HSP90AA1: variants seen among roughly 807,000 people sequenced by gnomAD.
HSP90AA1 encodes heat shock protein HSP 90-alpha.
A neutral mutation model predicts 73.3 loss-of-function variants in HSP90AA1; 18 were observed. The observed-to-expected ratio is 0.25, with a 90% confidence interval of 0.17 to 0.36. The LOEUF (loss-of-function observed/expected upper bound fraction) is 0.36. Among genes scored for constraint, HSP90AA1 ranks in the 10% least tolerant of loss-of-function variants. The pLI, the probability that HSP90AA1 is intolerant of heterozygous loss-of-function variation, is 1.00. For synonymous variants in HSP90AA1, 477 were observed against 296.9 expected (o/e 1.61, Z -6.24); for missense variants, 704 against 874.2 (o/e 0.81, Z 2.45).
intron 1 of HSP90AA1, among the ~76,000 whole-genome samples, chr14:102,137,330 T>C (rs1386681337): frequency 1.3e-5 from 2 of 151,372 alleles, no homozygotes; most frequent in African/African-American, 4.9e-5. Context: ...TATCTATTTA[T>C]TTATTTATTT....
rs1428450872 is a variant in HSP90AA1, at chr14:102,116,327, T to C, written c.156-14242A>G. Among the ~76,000 whole-genome samples, 6 of 152,206 alleles carry C rather than the reference T, an allele frequency of 3.9e-5. No individual in the cohort carries two copies. The East Asian group carries it at 9.6e-4, about 24-fold the overall frequency. On this transcript the variant is annotated intron_variant, in intron 1 of 11. Coordinates refer to the HSP90AA1 transcript ENST00000334701. ...CCTGTTTGCTCAGATCCTTTGTCCATTAGATTTTTAGCCTTTCTTTTATTG... is the reference window on the plus strand; with the variant it reads ...CCTGTTTGCTCAGATCCTTTGTCCACTAGATTTTTAGCCTTTCTTTTATTG...
intron 1 of HSP90AA1, among the ~76,000 whole-genome samples, chr14:102,105,556 G>A (rs1469467100): frequency 6.6e-6 from 1 of 152,200 alleles, no homozygotes; most frequent in Non-Finnish European, 1.5e-5. Flanking sequence ...GTAGGTGCTA[G>A]CGGTGGCTAG....
Position 102,081,577 on chromosome 14 carries a change from TATC to T in HSP90AA1, c.*132_*134del, listed in dbSNP as rs2049099544. The stretch of plus-strand genomic sequence containing the variant: ...AGCATCACTTAGTAGACAGAAATCT[TATC>T]TTCCCCTTAAAGTAGTTGTCATGCC... On this transcript the variant is annotated 3_prime_UTR_variant, in exon 11 of 11. Coordinates refer to ENST00000216281, the MANE Select transcript of HSP90AA1 (RefSeq NM_005348.4). 7.4e-6 allele frequency: 5 copies of T among 675,292 alleles called. No homozygotes were observed. Among genetic ancestry groups the T allele is most frequent in the Admixed American group, 4.5e-5 (2 of 44,004 alleles). The allele number at this position is 675,292 out of a possible 1,614,324, so 41.8% of individuals were successfully genotyped here. A position where few individuals can be genotyped will look rare whatever the true frequency, so the allele number is the denominator to read the frequency against.
At chr14:102,131,730 A>G (rs546331560) in intron 1 of HSP90AA1, among the ~76,000 whole-genome samples, 1 of 152,296 alleles carries the variant, frequency 6.6e-6, no homozygotes, top group Admixed American at 6.5e-5. Flanking sequence ...ACTGCAAATT[A>G]CCTGACATAT....
chr14:102,086,177 C>G (rs1341593463), intron 2 of HSP90AA1, 40 bp downstream of exon 2: 2 of 1,614,152 alleles, frequency 1.2e-6, no homozygotes, highest in Non-Finnish European at 1.7e-6. Flanking sequence ...GAAGTTCACA[C>G]TGAAACCAAA....
At chr14:102,101,782 C>T in intron 2 of HSP90AA1, 3 of 1,009,620 alleles carry the variant, frequency 3.0e-6, no homozygotes, top group South Asian at 2.7e-5. Context: ...ATTGTTTTAG[C>T]TTTCTGTGAC....
At chr14:102,086,692 C>G (rs1169173492) in intron 1 of HSP90AA1, among the ~76,000 whole-genome samples, 1 of 150,868 alleles carries the variant, frequency 6.6e-6, no homozygotes, top group Non-Finnish European at 1.5e-5. Flanking sequence ...CCTGCGCCCC[C>G]AGCGGGGCCG....
intron 10 of HSP90AA1, 36 bp from the exon 11 acceptor site, chr14:102,081,857 T>A (rs771630177): frequency 9.8e-7 from 1 of 1,015,660 alleles, no homozygotes; most frequent in Admixed American, 1.7e-5. Context: ...TTACAAAGAT[T>A]TCTTAAAGCC....
At chr14:102,097,234 C>G (rs2049436813) in intron 2 of HSP90AA1, among the ~76,000 whole-genome samples, 1 of 152,030 alleles carries the variant, frequency 6.6e-6, no homozygotes, top group East Asian at 1.9e-4. Flanking sequence ...AAACCGCCCC[C>G]CTTGGCCTCC....
chr14:102,081,737 G>A lies in HSP90AA1; in HGVS notation c.2174C>T (p.Thr725Ile). The change falls in exon 11 of 11, where the codon ACA (threonine) becomes ATA (isoleucine). Residue 725 changes from threonine (T) to isoleucine (I), a missense_variant. Coordinates refer to ENST00000216281, the MANE Select transcript of HSP90AA1 (RefSeq NM_005348.4). Reference protein sequence around the residue: ...EMPPLEGDDDTSRMEEVD With the variant: ...EMPPLEGDDDISRMEEVD ...TTAGTCTACTTCTTCCATGCGTGAT[G>A]TGTCGTCATCTCCTTCAAGGGGTGG... 2.6e-6 allele frequency: 4 copies of A among 1,561,898 alleles called. No homozygotes were observed. The highest frequency in any genetic ancestry group is 3.5e-6 in the Non-Finnish European group (4 of 1,132,394).
chr14:102,124,047 TGCTGGGATTAC>T, intron 1 of HSP90AA1, among the ~76,000 whole-genome samples: 1 of 152,154 alleles, frequency 6.6e-6, no homozygotes, highest in East Asian at 1.9e-4. Flanking sequence ...CCTCCCAAAA[TGCTGGGATTAC>T]AGGCGGAAAC....
chr14:102,090,611 G>A (rs1278492942), upstream of HSP90AA1, among the ~76,000 whole-genome samples: 1 of 152,076 alleles, frequency 6.6e-6, no homozygotes, highest in African/African-American at 2.4e-5. Flanking sequence ...CACCACACCT[G>A]GCTAATTTTT....
At chr14:102,130,220 C>T (rs553526103) in intron 1 of HSP90AA1, among the ~76,000 whole-genome samples, 3 of 151,964 alleles carry the variant, frequency 2.0e-5, no homozygotes, top group Non-Finnish European at 4.4e-5. Context: ...CCACCTGCCT[C>T]GGCCTCCCAA....
chr14:102,118,120 T>C (rs1262592992), intron 1 of HSP90AA1, among the ~76,000 whole-genome samples: 3 of 152,144 alleles, frequency 2.0e-5, no homozygotes, highest in Admixed American at 1.3e-4. Context: ...CCTGGAGGCA[T>C]AGGATCCAGG....
At chr14:102,087,187 G>A, upstream of HSP90AA1, 1 of 981,766 alleles carries the variant, frequency 1.0e-6, no homozygotes, top group Non-Finnish European at 1.2e-6. Flanking sequence ...CCGTTGCCGC[G>A]GCACCCCGCC....
intron 1 of HSP90AA1, among the ~76,000 whole-genome samples, chr14:102,138,624 A>G (rs1352006948): frequency 3.3e-5 from 5 of 151,996 alleles, no homozygotes; most frequent in Non-Finnish European, 7.4e-5. Flanking sequence ...GATGTTTATG[A>G]TTTACACTCC....
chr14:102,120,286 G>A (rs1451254529), intron 1 of HSP90AA1, among the ~76,000 whole-genome samples: 2 of 152,130 alleles, frequency 1.3e-5, no homozygotes, highest in African/African-American at 4.8e-5. Flanking sequence ...TTGAGCTTGG[G>A]AGGATGAGGG....
chr14:102,128,627 T>G (rs1198078990), intron 1 of HSP90AA1, among the ~76,000 whole-genome samples: 1 of 85,274 alleles, frequency 1.2e-5, no homozygotes, highest in Non-Finnish European at 2.4e-5. Context: ...AAACTCCGTC[T>G]CGGAAAAAAA....
intron 1 of HSP90AA1, among the ~76,000 whole-genome samples, chr14:102,112,444 G>C (rs1005306049): frequency 6.6e-6 from 1 of 152,108 alleles, no homozygotes; most frequent in Non-Finnish European, 1.5e-5. Context: ...AAAGTGCTGG[G>C]GTTACGGGCG....
Sources: gnomAD v4.1 joint callset for allele counts (sites outside exome capture counted in the v4.1 genomes callset) on GRCh38, gnomAD v4.1.1 for gene constraint, MANE v1.5 for transcripts, NCBI Gene and HGNC (gene_info 2026-07-23, HGNC 2026-07-21) for gene names.